KCNB2: variants seen among roughly 807,000 people sequenced by gnomAD.
KCNB2 encodes delayed rectifier potassium channel protein.
KCNB2 carries 15 observed loss-of-function variants against 61.5 expected under a neutral mutation model. The observed-to-expected ratio is 0.24, with a 90% CI of 0.16 to 0.38. The LOEUF is 0.38. KCNB2 is among the 10% of genes least tolerant of loss of function. The pLI, the probability that KCNB2 is intolerant of heterozygous loss-of-function variation, is 1.00. For synonymous variants in KCNB2, 457 were observed against 446.0 expected (o/e 1.02, Z -0.31); for missense variants, 828 against 1,125.2 (o/e 0.74, Z 3.78).
rs140269443 is a variant in KCNB2, at chr8:72,936,342, G to A, written c.987G>A (p.Arg329=). ...TGCAGTCTCTGGGTTTCACCCTTAG[G>A]CGGAGTTACAATGAATTGGGCTTGT... The part of the protein sequence containing the change: ...TGLQSLGFTL[R]RSYNELGLLI... Residue 329 remains arginine, a synonymous_variant, in exon 3 of 3, where the codon AGG becomes AGA. Transcript: ENST00000523207. This position sits in a 1 kb window ranked among gnomAD's most constrained non-coding sequence, Gnocchi z 5.6. The A allele has an allele frequency of 1.4e-5, 23 of 1,614,244 alleles. No homozygotes were observed. In the African/African-American group the frequency reaches 2.8e-4, roughly 20 times the overall value.
rs1563431931 is a variant in KCNB2 at position 72,938,003 on chromosome 8, G to T, written c.2648G>T (p.Cys883Phe). ...AAAAAGGACAGTAGTCAAGAAGGGTGCAAGATGGAAAATCACTTGTTTGCC... is the reference window on the plus strand; with the variant it reads ...AAAAAGGACAGTAGTCAAGAAGGGTTCAAGATGGAAAATCACTTGTTTGCC... ...EVKKDSSQEG[C>F]KMENHLFAPE... The change falls in exon 3 of 3, where the codon TGC (cysteine) becomes TTC (phenylalanine). Residue 883 changes from cysteine to phenylalanine, a missense_variant. Around this residue, in one of 4 missense-constraint regions of KCNB2, gnomAD observed 559 missense variants for 588.4 expected, o/e 0.95. Transcript: ENST00000523207. 5 of 1,614,144 alleles carry T rather than the reference G, an allele frequency of 3.1e-6. No individual in the cohort carries two copies. Among genetic ancestry groups the T allele is most frequent in the Non-Finnish European group, 4.2e-6 (5 of 1,180,002 alleles).
At chr8:72,660,639 C>T (rs1228968358) in intron 2 of KCNB2, 1 of 152,194 alleles carries the variant, frequency 6.6e-6, no homozygotes, top group Non-Finnish European at 1.5e-5. Context: ...CAAAGTATCA[C>T]CATGAGCTTT....
At chr8:72,778,760 AAAAG>A (rs1563382505) in intron 2 of KCNB2, among the ~76,000 whole-genome samples, 52 of 140,918 alleles carry the variant, frequency 3.7e-4, no homozygotes, top group African/African-American at 7.8e-4. Flanking sequence ...AAAAAAAAAA[AAAAG>A]AAAGAAAGAA....
chr8:72,563,094 G>A (rs1406963865), intron 1 of KCNB2, among the ~76,000 whole-genome samples: 1 of 152,088 alleles, frequency 6.6e-6, no homozygotes, highest in African/African-American at 2.4e-5. Flanking sequence ...TTAAAGTAAA[G>A]GTTCTTGAAA....
intron 2 of KCNB2, among the ~76,000 whole-genome samples, chr8:72,804,655 G>C (rs1019754620): frequency 6.6e-6 from 1 of 152,172 alleles, no homozygotes; most frequent in South Asian, 2.1e-4. Context: ...ATTTGAAAAT[G>C]ACTTGTGGGG....
chr8:72,896,121 A>G (rs898599298), intron 2 of KCNB2, among the ~76,000 whole-genome samples: 5 of 152,134 alleles, frequency 3.3e-5, no homozygotes, highest in Non-Finnish European at 5.9e-5. Flanking sequence ...AATGTTCCAG[A>G]CTAAAAGAAA....
At chr8:72,558,140 T>A (rs1176586937) in intron 1 of KCNB2, among the ~76,000 whole-genome samples, 1 of 152,232 alleles carries the variant, frequency 6.6e-6, no homozygotes, top group Non-Finnish European at 1.5e-5. Flanking sequence ...GAGATGTTTG[T>A]CAATTTTAAA....
chr8:72,539,317 G>A (rs1475444051), intron 1 of KCNB2, among the ~76,000 whole-genome samples: 1 of 152,136 alleles, frequency 6.6e-6, no homozygotes, highest in Non-Finnish European at 1.5e-5. Flanking sequence ...TGAAAATACT[G>A]AAGGTCCAAC....
At chr8:72,808,732 C>T (rs1252248903) in intron 2 of KCNB2, among the ~76,000 whole-genome samples, 1 of 152,076 alleles carries the variant, frequency 6.6e-6, no homozygotes, top group South Asian at 2.1e-4. Flanking sequence ...CCCCACCCCA[C>T]CCCCAAGCCA....
intron 2 of KCNB2, among the ~76,000 whole-genome samples, chr8:72,863,129 A>G (rs1805447839): frequency 6.6e-6 from 1 of 152,254 alleles, no homozygotes; most frequent in Non-Finnish European, 1.5e-5. Context: ...AATCCAATTC[A>G]GTTCTGCCTA....
At chr8:72,753,277 C>T (rs191286556) in intron 2 of KCNB2, among the ~76,000 whole-genome samples, 37 of 152,260 alleles carry the variant, frequency 2.4e-4, no homozygotes, top group African/African-American at 6.7e-4. Flanking sequence ...AATGAGTTTA[C>T]GTTGATACCA....
intron 2 of KCNB2, among the ~76,000 whole-genome samples, chr8:72,771,376 G>T (rs1808556875): frequency 6.6e-6 from 1 of 151,918 alleles, no homozygotes; most frequent in African/African-American, 2.4e-5. Context: ...TTTTATTTCA[G>T]CTATGGAGTT....
intron 1 of KCNB2, among the ~76,000 whole-genome samples, chr8:72,540,381 A>G (rs186627233): frequency 6.6e-6 from 1 of 152,282 alleles, no homozygotes; most frequent in East Asian, 1.9e-4. Context: ...AGATTTGTTT[A>G]TATTCTTCAG....
intron 2 of KCNB2, among the ~76,000 whole-genome samples, chr8:72,733,805 G>A (rs375650332): frequency 1.5e-3 from 222 of 152,060 alleles, no homozygotes; most frequent in African/African-American, 4.9e-3. Context: ...TGGATGACTC[G>A]GAAGGCACCT....
chr8:72,755,280 A>C (rs1277069767), intron 2 of KCNB2, among the ~76,000 whole-genome samples: 1 of 152,230 alleles, frequency 6.6e-6, no homozygotes, highest in Non-Finnish European at 1.5e-5. Flanking sequence ...ATGCTGCCAC[A>C]GAAAAAGGAC....
chr8:72,650,716 G>T (rs1806198747), intron 2 of KCNB2, among the ~76,000 whole-genome samples: 1 of 152,018 alleles, frequency 6.6e-6, no homozygotes, highest in African/African-American at 2.4e-5. Context: ...AGCAGTTTTA[G>T]GATTTATAAG....
intron 2 of KCNB2, among the ~76,000 whole-genome samples, chr8:72,843,435 G>A (rs10087925): frequency 0.2 from 30,128 of 152,084 alleles, 3,093 homozygotes; most frequent in Admixed American, 0.27. Context: ...GGAGAGTTCT[G>A]TAGATGTCTA....
At chr8:72,809,230 C>T (rs910673589) in intron 2 of KCNB2, among the ~76,000 whole-genome samples, 2 of 152,070 alleles carry the variant, frequency 1.3e-5, no homozygotes, top group Admixed American at 1.3e-4. Flanking sequence ...TACTTCATTC[C>T]ACCTGAAGAT....
At chr8:72,935,794 A>C (rs1806891846) in intron 2 of KCNB2, 141 bp from the exon 3 acceptor site, 1 of 690,548 alleles carries the variant, frequency 1.4e-6, no homozygotes, top group South Asian at 1.8e-5. Context: ...AGGGAATTTT[A>C]AGTTGTAAAA....
Sources: gnomAD v4.1 joint callset for allele counts (sites outside exome capture counted in the v4.1 genomes callset) on GRCh38, gnomAD v4.1.1 for gene constraint, gnomAD v4.1.1 regional missense constraint, Gnocchi (gnomAD v3.1) non-coding constraint, MANE v1.5 for transcripts, NCBI Gene and HGNC (gene_info 2026-07-23, HGNC 2026-07-21) for gene names.